PCDH9: variants seen among roughly 807,000 people sequenced by gnomAD.
PCDH9 encodes protocadherin 9, also known as protocadherin-9.
PCDH9 carries 24 observed loss-of-function variants against 70.6 expected under a neutral mutation model. The ratio of observed to expected loss-of-function variants is 0.34; its 90% CI spans 0.25 to 0.48. PCDH9 has a LOEUF of 0.48. Ranked by LOEUF, PCDH9 falls within the 20% of genes least tolerant of loss-of-function variation. The pLI, the probability that PCDH9 is intolerant of heterozygous loss-of-function variation, is 0.99. For synonymous variants in PCDH9, 562 were observed against 558.5 expected (o/e 1.01, Z -0.09); for missense variants, 1,281 against 1,503.6 (o/e 0.85, Z 2.45).
intron 4 of PCDH9, among the ~76,000 whole-genome samples, chr13:66,337,612 AACAAAC>A (rs1956058571): frequency 6.6e-6 from 1 of 151,862 alleles, no homozygotes; most frequent in Non-Finnish European, 1.5e-5. Context: ...CAAACAAACA[AACAAAC>A]AAACAGAAAT....
intron 3 of PCDH9, among the ~76,000 whole-genome samples, chr13:66,826,425 G>A (rs937137469): frequency 6.6e-6 from 1 of 152,130 alleles, no homozygotes; most frequent in Non-Finnish European, 1.5e-5. Context: ...GGTTTTTGAG[G>A]TCAGACATAT....
intron 2 of PCDH9, among the ~76,000 whole-genome samples, chr13:67,105,484 C>CAG (rs2086521344): frequency 6.6e-6 from 1 of 151,812 alleles, no homozygotes; most frequent in Non-Finnish European, 1.5e-5. Flanking sequence ...TCTGGGTACC[C>CAG]AGAGATGAAG....
chr13:66,847,286 A>G (rs1158550710), intron 3 of PCDH9, among the ~76,000 whole-genome samples: 6 of 152,156 alleles, frequency 3.9e-5, no homozygotes, highest in Non-Finnish European at 8.8e-5. Context: ...TTAAAGTAAG[A>G]CATTTGCTAT....
At chr13:66,911,536 G>A (rs1311977689) in intron 2 of PCDH9, among the ~76,000 whole-genome samples, 2 of 152,162 alleles carry the variant, frequency 1.3e-5, no homozygotes, top group South Asian at 2.1e-4. Context: ...GATGTTATAT[G>A]AGTTTTATGC....
intron 4 of PCDH9, among the ~76,000 whole-genome samples, chr13:66,581,199 T>A (rs952111166): frequency 6.6e-6 from 1 of 152,172 alleles, no homozygotes; most frequent in Non-Finnish European, 1.5e-5. Context: ...AAATAGATTA[T>A]GTCTGAAAAA....
chr13:66,619,695 G>C (rs1409652470), intron 4 of PCDH9, among the ~76,000 whole-genome samples: 4 of 152,126 alleles, frequency 2.6e-5, no homozygotes, highest in Non-Finnish European at 5.9e-5. Flanking sequence ...TGACTCCATA[G>C]TCTGTGTTCT....
At chr13:67,153,659 T>C (rs771091346) in intron 2 of PCDH9, among the ~76,000 whole-genome samples, 5 of 152,236 alleles carry the variant, frequency 3.3e-5, no homozygotes, top group Admixed American at 6.5e-5. Context: ...ATATGGTTGA[T>C]GGAAGTTATA....
intron 4 of PCDH9, among the ~76,000 whole-genome samples, chr13:66,512,707 A>G (rs910823647): frequency 6.6e-6 from 1 of 152,224 alleles, no homozygotes; most frequent in Non-Finnish European, 1.5e-5. Flanking sequence ...CATATTGTAT[A>G]TTGTTAATGT....
At chr13:66,691,079 A>G (rs1946988842) in intron 3 of PCDH9, among the ~76,000 whole-genome samples, 1 of 151,904 alleles carries the variant, frequency 6.6e-6, no homozygotes, top group Admixed American at 6.6e-5. Flanking sequence ...ACCCTGTAGC[A>G]CTGGCCAGAG....
chr13:67,213,734 TAA>T (rs2089526213), intron 2 of PCDH9: 1 of 152,202 alleles, frequency 6.6e-6, no homozygotes, highest in South Asian at 2.1e-4. Context: ...ATTTTAATTT[TAA>T]GTTTGTTTTG....
intron 3 of PCDH9, among the ~76,000 whole-genome samples, chr13:66,749,625 C>G (rs1049718854): frequency 6.6e-6 from 1 of 152,032 alleles, no homozygotes; most frequent in Admixed American, 6.6e-5. Flanking sequence ...AGCTCGAGAC[C>G]AGAATTTAGA....
At chr13:66,886,402 T>C (rs149632370) in intron 3 of PCDH9, among the ~76,000 whole-genome samples, 1 of 152,200 alleles carries the variant, frequency 6.6e-6, no homozygotes, top group East Asian at 1.9e-4. Flanking sequence ...CTAGGCTACA[T>C]AGGTGTTCCT....
At chr13:66,853,375 C>T (rs1196424268) in intron 3 of PCDH9, among the ~76,000 whole-genome samples, 1 of 152,058 alleles carries the variant, frequency 6.6e-6, no homozygotes, top group Non-Finnish European at 1.5e-5. Flanking sequence ...TCCTTCTTTT[C>T]ACACTCTCCT....
At chr13:66,793,419 T>C (rs971251697) in intron 3 of PCDH9, among the ~76,000 whole-genome samples, 2 of 152,216 alleles carry the variant, frequency 1.3e-5, no homozygotes, top group Admixed American at 1.3e-4. Context: ...TCAGTGATTT[T>C]ATAGGTAAAG....
chr13:66,594,291 G>T (rs549998892), intron 4 of PCDH9, among the ~76,000 whole-genome samples: 1 of 151,710 alleles, frequency 6.6e-6, no homozygotes, highest in Admixed American at 6.6e-5. Flanking sequence ...AAAACCTCCA[G>T]CCATGGCCCT....
Position 67,208,765 on chromosome 13 carries a change from A to G in PCDH9, c.3036+16640T>C, listed in dbSNP as rs539577174. On this transcript the variant is annotated intron_variant, in intron 2 of 4. Transcript: ENST00000377865. ...AATACAGAAGGCTTTACCAGAACAT[A>G]CATCTTTGATACGAGTAGTTGGAGG... The G allele has an allele frequency of 2.0e-5, 3 of 152,272 alleles. No individual in the cohort carries two copies. The East Asian group carries it at 5.8e-4, about 29-fold the overall frequency. The allele number at this position is 152,272 out of a possible 1,614,324, so 9.4% of individuals were successfully genotyped here.
At chr13:66,966,570 A>AAGCAGTTTT (rs2083437732) in intron 2 of PCDH9, among the ~76,000 whole-genome samples, 1 of 152,118 alleles carries the variant, frequency 6.6e-6, no homozygotes, top group Non-Finnish European at 1.5e-5. Context: ...GTGACAAGAA[A>AAGCAGTTTT]AGCAGTTTTA....
At chr13:66,679,234 A>C (rs1454887030) in intron 3 of PCDH9, among the ~76,000 whole-genome samples, 1 of 151,718 alleles carries the variant, frequency 6.6e-6, no homozygotes, top group Non-Finnish European at 1.5e-5. Flanking sequence ...GTCTTTTTAT[A>C]ATTCCTTATT....
chr13:67,030,704 G>C (rs1462670940), intron 2 of PCDH9, among the ~76,000 whole-genome samples: 1 of 152,022 alleles, frequency 6.6e-6, no homozygotes, highest in Non-Finnish European at 1.5e-5. Flanking sequence ...TATCTCCTTA[G>C]CACCTTTATC....
Sources: gnomAD v4.1 joint callset for allele counts (sites outside exome capture counted in the v4.1 genomes callset) on GRCh38, gnomAD v4.1.1 for gene constraint, MANE v1.5 for transcripts, NCBI Gene and HGNC (gene_info 2026-07-23, HGNC 2026-07-21) for gene names.